VPS41: variants seen among roughly 807,000 people sequenced by gnomAD.
The protein encoded by VPS41 is vacuolar protein sorting-associated protein 41 homolog.
VPS41 carries 85 observed loss-of-function variants against 130.9 expected under a neutral mutation model. The ratio of observed to expected loss-of-function variants is 0.65; its 90% CI spans 0.55 to 0.78. The LOEUF is 0.78. VPS41 is among the 30% of genes least tolerant of loss of function. VPS41 has a pLI of 0.00. For missense variants in VPS41, 874 were observed against 1,018.7 expected, an observed-to-expected ratio of 0.86 and a Z score of 1.93; for synonymous variants, 335 against 332.9, an observed-to-expected ratio of 1.01 and a Z score of -0.07.
chr7:38,810,534 G>A (rs1251960002), intron 7 of VPS41, among the ~76,000 whole-genome samples: 1 of 151,996 alleles, frequency 6.6e-6, no homozygotes, highest in Non-Finnish European at 1.5e-5. Flanking sequence ...ATCTCATAGT[G>A]GTCCTCTATT....
At chr7:38,890,847 A>G (rs973843248) in intron 2 of VPS41, among the ~76,000 whole-genome samples, 1 of 151,926 alleles carries the variant, frequency 6.6e-6, no homozygotes, top group Non-Finnish European at 1.5e-5. Flanking sequence ...CATCATGCCT[A>G]GTCAATTTTT....
chr7:38,726,096 T>C lies in VPS41; in HGVS notation c.*150A>G, dbSNP rs975857104. The C allele has an allele frequency of 1.7e-6, 1 of 604,332 alleles. No individual in the cohort carries two copies. The highest frequency in any genetic ancestry group is 1.9e-5 in the African/African-American group (1 of 53,884). The allele number at this position is 604,332 out of a possible 1,614,324, so 37.4% of individuals were successfully genotyped here. ...CTCTGTGAACTGCAAAGAGAAACCA[T>C]TAGTACAGGAATAGATGAAGAAATT... On this transcript the variant is annotated 3_prime_UTR_variant, in exon 29 of 29. Coordinates refer to ENST00000310301, the MANE Select transcript of VPS41 (RefSeq NM_014396.4).
chr7:38,894,937 C>T (rs539466171), intron 2 of VPS41, among the ~76,000 whole-genome samples: 12 of 152,326 alleles, frequency 7.9e-5, no homozygotes, highest in Admixed American at 6.5e-4. Context: ...CTTTTCCTTC[C>T]ATTTATCTCC....
At chr7:38,735,375 G>A (rs1239606184) in intron 25 of VPS41, among the ~76,000 whole-genome samples, 1 of 152,176 alleles carries the variant, frequency 6.6e-6, no homozygotes, top group African/African-American at 2.4e-5. Flanking sequence ...AGAGATATGG[G>A]AAATAAAGGA....
chr7:38,826,011 TA>T (rs1785267684), intron 5 of VPS41, among the ~76,000 whole-genome samples: 1 of 152,116 alleles, frequency 6.6e-6, no homozygotes. Flanking sequence ...AAAATCAGAA[TA>T]GGGTGGACAT....
Position 38,898,049 on chromosome 7 carries a change from T to A in VPS41, c.60+42A>T, listed in dbSNP as rs199991290. ...AGAAGCGCAACTCAAGAGAACAACG[T>A]GGTGAGCTACAAATCCGAGGGCTCC... On this transcript the variant is annotated intron_variant, in intron 2 of 28. Transcript: ENST00000310301. 29 of 1,594,070 alleles carry A rather than the reference T, an allele frequency of 1.8e-5. No homozygotes were observed. In the African/African-American group the frequency reaches 3.6e-4, roughly 20 times the overall value.
intron 4 of VPS41, among the ~76,000 whole-genome samples, chr7:38,862,062 C>T (rs1339589570): frequency 6.6e-6 from 1 of 152,170 alleles, no homozygotes; most frequent in Non-Finnish European, 1.5e-5. Flanking sequence ...AAATTAGTCA[C>T]TAAATGAGGG....
chr7:38,841,357 T>C (rs1562606014), intron 4 of VPS41, among the ~76,000 whole-genome samples: 2 of 152,188 alleles, frequency 1.3e-5, no homozygotes, highest in East Asian at 1.9e-4. Flanking sequence ...GAACCAATCA[T>C]CCAAGGTATA....
chr7:38,772,290 T>C (rs989727998), intron 13 of VPS41, among the ~76,000 whole-genome samples: 3 of 152,072 alleles, frequency 2.0e-5, no homozygotes, highest in African/African-American at 7.2e-5. Flanking sequence ...ACTCACCTCC[T>C]CCCTCCACTC....
At chr7:38,798,029 T>G (rs984112559) in intron 7 of VPS41, among the ~76,000 whole-genome samples, 1 of 152,092 alleles carries the variant, frequency 6.6e-6, no homozygotes, top group African/African-American at 2.4e-5. Flanking sequence ...TCCCATCAGA[T>G]ATATTCTCAG....
At chr7:38,825,152 G>A (rs900825366) in intron 5 of VPS41, among the ~76,000 whole-genome samples, 1 of 152,216 alleles carries the variant, frequency 6.6e-6, no homozygotes, top group Non-Finnish European at 1.5e-5. Context: ...ACCCACAGTA[G>A]GGGCTGGAGG....
intron 3 of VPS41, among the ~76,000 whole-genome samples, chr7:38,868,474 T>C (rs1333479116): frequency 1.3e-5 from 2 of 152,128 alleles, no homozygotes; most frequent in Non-Finnish European, 2.9e-5. Context: ...AGTTTGCTTT[T>C]TGTGGAAGGA....
chr7:38,780,186 T>G (rs1297249436), intron 10 of VPS41, among the ~76,000 whole-genome samples: 2 of 114,384 alleles, frequency 1.7e-5, no homozygotes, highest in East Asian at 4.5e-4. Context: ...TTTTGGTTTT[T>G]GTTTTTTTTT....
At chr7:38,770,198 G>T (rs1784127863) in intron 14 of VPS41, among the ~76,000 whole-genome samples, 1 of 151,772 alleles carries the variant, frequency 6.6e-6, no homozygotes, top group East Asian at 1.9e-4. Flanking sequence ...GAACCCAGGA[G>T]GCAGAGGTTG....
chr7:38,805,952 T>C (rs1453274236), intron 7 of VPS41, among the ~76,000 whole-genome samples: 2 of 152,198 alleles, frequency 1.3e-5, no homozygotes, highest in Admixed American at 6.5e-5. Flanking sequence ...GTGGACAGCC[T>C]TCATTGTCCT....
At chr7:38,765,979 A>G (rs1240476041) in intron 15 of VPS41, among the ~76,000 whole-genome samples, 1 of 152,206 alleles carries the variant, frequency 6.6e-6, no homozygotes, top group African/African-American at 2.4e-5. Flanking sequence ...CCAGAGGAGC[A>G]CTGCTGGTTT....
intron 5 of VPS41, among the ~76,000 whole-genome samples, chr7:38,828,236 A>G (rs1785318117): frequency 6.6e-6 from 1 of 152,054 alleles, no homozygotes; most frequent in Admixed American, 6.6e-5. Context: ...GTAAACTGAA[A>G]CTGAACACAC....
chr7:38,856,815 A>G (rs1785996426), intron 4 of VPS41, among the ~76,000 whole-genome samples: 1 of 152,238 alleles, frequency 6.6e-6, no homozygotes, highest in Non-Finnish European at 1.5e-5. Flanking sequence ...GGAGATTCAC[A>G]GAAGTGTATT....
intron 2 of VPS41, among the ~76,000 whole-genome samples, chr7:38,882,550 C>T (rs983370297): frequency 6.6e-6 from 1 of 152,162 alleles, no homozygotes; most frequent in African/African-American, 2.4e-5. Context: ...GTCTACTAGA[C>T]AATTCCACTT....
Sources: allele counts gnomAD v4.1 joint callset (sites outside exome capture counted in the v4.1 genomes callset), GRCh38; gene constraint gnomAD v4.1.1; transcripts MANE v1.5; gene names NCBI Gene and HGNC (gene_info 2026-07-23, HGNC 2026-07-21).